CENPW: variants seen among roughly 807,000 people sequenced by gnomAD.
CENPW encodes the protein cancer-up-regulated gene 2 protein.
CENPW carries 3 observed loss-of-function variants against 11.1 expected under a neutral mutation model. That is an observed-to-expected ratio of 0.27 (90% CI 0.12 to 0.70). The LOEUF is 0.70. Among genes scored for constraint, CENPW ranks in the 30% least tolerant of loss-of-function variants. CENPW has a pLI of 0.77. For synonymous variants in CENPW, 38 were observed against 42.0 expected, an observed-to-expected ratio of 0.91 and a Z score of 0.37; for missense variants, 100 against 105.6, an observed-to-expected ratio of 0.95 and a Z score of 0.23.
At chr6:126,364,170 T>C in the CENPW span, among the ~76,000 whole-genome samples, 1 of 152,184 alleles carries the variant, frequency 6.6e-6, no homozygotes, top group Admixed American at 6.5e-5. Flanking sequence ...TTCTGAATGG[T>C]ACCCCCACAA....
chr6:126,389,137 G>T, the CENPW span, among the ~76,000 whole-genome samples: 10 of 151,592 alleles, frequency 6.6e-5, no homozygotes, highest in African/African-American at 2.4e-4. Context: ...GTATGCATTG[G>T]CTACCTTTTA....
At chr6:126,366,470 T>C in the CENPW span, among the ~76,000 whole-genome samples, 1 of 152,232 alleles carries the variant, frequency 6.6e-6, no homozygotes, top group Non-Finnish European at 1.5e-5. Context: ...ATGTACATTT[T>C]TGTCAGTTTA....
At chr6:126,414,591 T>A in the CENPW span, among the ~76,000 whole-genome samples, 8 of 152,050 alleles carry the variant, frequency 5.3e-5, no homozygotes, top group Non-Finnish European at 1.0e-4. Flanking sequence ...TTTAAAACTT[T>A]CTTAAAACGA....
At chr6:126,378,302 G>A in the CENPW span, among the ~76,000 whole-genome samples, 6 of 152,072 alleles carry the variant, frequency 3.9e-5, no homozygotes, top group East Asian at 1.9e-4. Context: ...TTCTGCTGAA[G>A]AGCACAAGAT....
chr6:126,392,133 C>T, the CENPW span, among the ~76,000 whole-genome samples: 151 of 151,718 alleles, frequency 1.0e-3, 2 homozygotes, highest in South Asian at 0.012. Context: ...TTTTTTGTTT[C>T]CTTTTCAATT....
At chr6:126,355,070 GTTAAA>G in the CENPW span, among the ~76,000 whole-genome samples, 2 of 151,962 alleles carry the variant, frequency 1.3e-5, no homozygotes, top group Admixed American at 6.6e-5. Context: ...TTGAAATTGT[GTTAAA>G]TTATTTACTT....
At chr6:126,413,732 T>C in the CENPW span, among the ~76,000 whole-genome samples, 1 of 151,568 alleles carries the variant, frequency 6.6e-6, no homozygotes, top group Non-Finnish European at 1.5e-5. Flanking sequence ...CATATCACGA[T>C]GATAAAACAA....
the CENPW span, among the ~76,000 whole-genome samples, chr6:126,360,652 A>T: frequency 4.8e-4 from 73 of 150,718 alleles, no homozygotes; most frequent in African/African-American, 1.7e-3. Context: ...ATTTGAGTTG[A>T]TTTGAAGAAC....
At chr6:126,341,286 C>A (rs1207414715) in intron 1 of CENPW, among the ~76,000 whole-genome samples, 1 of 152,064 alleles carries the variant, frequency 6.6e-6, no homozygotes, top group African/African-American at 2.4e-5. Flanking sequence ...AGTAAAGGAG[C>A]CATTATAAAT....
the CENPW span, among the ~76,000 whole-genome samples, chr6:126,464,525 G>A: frequency 6.6e-6 from 1 of 152,124 alleles, no homozygotes; most frequent in Non-Finnish European, 1.5e-5. Context: ...GGCAAGAGAA[G>A]ATGGAAGAAT....
At chr6:126,374,563 G>A in the CENPW span, among the ~76,000 whole-genome samples, 1 of 152,150 alleles carries the variant, frequency 6.6e-6, no homozygotes, top group Non-Finnish European at 1.5e-5. Context: ...GTACAGATTT[G>A]TGGCAACTGA....
the CENPW span, among the ~76,000 whole-genome samples, chr6:126,355,561 T>A: frequency 3.3e-5 from 5 of 151,636 alleles, no homozygotes; most frequent in Non-Finnish European, 7.4e-5. Flanking sequence ...TGTAGACATG[T>A]ATCTTGTTCT....
intron 1 of CENPW, 151 bp downstream of exon 1, chr6:126,340,550 C>T (rs996708907): frequency 7.4e-6 from 8 of 1,074,676 alleles, no homozygotes; most frequent in African/African-American, 6.3e-5. Context: ...AACGTATGCC[C>T]CACCCTGGCA....
chr6:126,438,098 C>T, the CENPW span, among the ~76,000 whole-genome samples: 39 of 151,198 alleles, frequency 2.6e-4, 2 homozygotes, highest in Admixed American at 2.3e-3. Flanking sequence ...AGTAATTACC[C>T]TGGAAGAAAA....
the CENPW span, among the ~76,000 whole-genome samples, chr6:126,418,475 G>T: frequency 3.2e-3 from 494 of 152,264 alleles, 3 homozygotes; most frequent in African/African-American, 0.011. Context: ...AAGATCAGTG[G>T]TTATCAGGAT....
chr6:126,343,276 G>C (rs1383563730), intron 1 of CENPW, among the ~76,000 whole-genome samples: 1 of 152,070 alleles, frequency 6.6e-6, no homozygotes, highest in Non-Finnish European at 1.5e-5. Flanking sequence ...TTTAATATAA[G>C]CCTTAGCGCA....
chr6:126,471,985 A>C, the CENPW span, among the ~76,000 whole-genome samples: 4 of 152,204 alleles, frequency 2.6e-5, no homozygotes, highest in Non-Finnish European at 5.9e-5. Context: ...TATATATTTC[A>C]ACAAAAGCTC....
the CENPW span, among the ~76,000 whole-genome samples, chr6:126,458,022 A>ATT: frequency 1.3e-5 from 2 of 151,282 alleles, no homozygotes; most frequent in African/African-American, 4.8e-5. Context: ...TTTTGACTTC[A>ATT]TTGAGAATGC....
At chr6:126,461,576 T>A in the CENPW span, among the ~76,000 whole-genome samples, 1 of 151,946 alleles carries the variant, frequency 6.6e-6, no homozygotes, top group African/African-American at 2.4e-5. Flanking sequence ...AGGATTAGTC[T>A]TCTCATCTTT....
Sources: allele counts gnomAD v4.1 joint callset (sites outside exome capture counted in the v4.1 genomes callset), GRCh38; gene constraint gnomAD v4.1.1; transcripts MANE v1.5; gene names NCBI Gene and HGNC (gene_info 2026-07-23, HGNC 2026-07-21).